Variants in ARHGEF16 observed in about 807,000 individuals in gnomAD.
The protein encoded by ARHGEF16 is Rho guanine nucleotide exchange factor 16, also known as Rho guanine exchange factor (GEF) 16.
ARHGEF16 carries 59 observed loss-of-function variants against 74.1 expected under a neutral mutation model. That is an observed-to-expected ratio of 0.80 (90% CI 0.65 to 0.99). The LOEUF (loss-of-function observed/expected upper bound fraction) is 0.99, where lower values mean the gene tolerates loss of function less well. Among genes scored for constraint, ARHGEF16 ranks in the 50% least tolerant of loss-of-function variants. ARHGEF16 has a pLI of 0.00. For synonymous variants in ARHGEF16, 415 were observed against 412.6 expected (o/e 1.01, Z -0.07); for missense variants, 948 against 986.6 (o/e 0.96, Z 0.52).
In ARHGEF16 at chr1:3,473,403, G is replaced by T; in HGVS notation, c.1186G>T (p.Ala396Ser). Residue 396 changes from alanine (A) to serine (S), a missense_variant, in exon 8 of 15, where the codon GCC (alanine) becomes TCC (serine). Transcript: ENST00000378378. ...CTTGTCCTCTTGCAGAAGCAGCAAC[G>T]CCGCCTTCCGAGAGGCCCTGAGAGA... is the stretch of plus-strand genomic sequence containing the variant. ...RTLQKLISSN[A>S]AFREALREIE... The T allele has an allele frequency of 6.2e-7, 1 of 1,607,768 alleles. No homozygotes were observed. Among genetic ancestry groups the T allele is most frequent in the Middle Eastern group, 1.7e-4 (1 of 6,024 alleles).
intron 1 of ARHGEF16, among the ~76,000 whole-genome samples, chr1:3,462,176 G>C (rs769648310): frequency 1.3e-5 from 2 of 152,162 alleles, no homozygotes. Flanking sequence ...TCTGCTGGGG[G>C]GTGTACGTGG....
At chr1:3,472,299 G>A (rs1379425293) in intron 6 of ARHGEF16, among the ~76,000 whole-genome samples, 1 of 152,246 alleles carries the variant, frequency 6.6e-6, no homozygotes, top group Admixed American at 6.5e-5. Context: ...CGCCCATGGG[G>A]GCAGAATCCT....
At chr1:3,475,943 C>T in intron 9 of ARHGEF16, 27 bp from the exon 10 acceptor site, 1 of 1,543,670 alleles carries the variant, frequency 6.5e-7, no homozygotes, top group Non-Finnish European at 8.7e-7. Context: ...TAGCACCAGC[C>T]TCTCACACGG....
chr1:3,474,595 T>G, intron 8 of ARHGEF16, 113 bp from the exon 9 acceptor site: 1 of 983,482 alleles, frequency 1.0e-6, no homozygotes, highest in Non-Finnish European at 1.6e-6. Flanking sequence ...AGGAGCCCCC[T>G]GGGGGCAGCT....
intron 1 of ARHGEF16, among the ~76,000 whole-genome samples, chr1:3,460,740 C>G (rs993490387): frequency 1.3e-5 from 2 of 152,184 alleles, no homozygotes; most frequent in Admixed American, 6.5e-5. Context: ...GTCATGGACA[C>G]CAGCCCCGGG....
chr1:3,467,481 C>T, intron 4 of ARHGEF16, 144 bp downstream of exon 4: 1 of 1,057,094 alleles, frequency 9.5e-7, no homozygotes, highest in East Asian at 2.6e-5. Context: ...TCCCAGAAGC[C>T]CCTCGGCTGT....
At chr1:3,463,039 G>A (rs1476692435) in intron 1 of ARHGEF16, 27 bp from the exon 2 acceptor site, 2 of 1,420,210 alleles carry the variant, frequency 1.4e-6, no homozygotes, top group Non-Finnish European at 1.9e-6. Flanking sequence ...GCAGCCTCAC[G>A]AGACCTCACT....
intron 10 of ARHGEF16, among the ~76,000 whole-genome samples, chr1:3,477,059 C>T (rs890837656): frequency 5.3e-5 from 8 of 151,808 alleles, no homozygotes; most frequent in Non-Finnish European, 1.0e-4. Flanking sequence ...GTCTTGGAAA[C>T]GGGTGTGGGG....
At chr1:3,467,478 AGCCCCTCG>A in intron 4 of ARHGEF16, 141 bp downstream of exon 4, 1 of 1,074,540 alleles carries the variant, frequency 9.3e-7, no homozygotes. Context: ...CCTTCCCAGA[AGCCCCTCG>A]GCTGTGGGTG....
rs374786453 is a variant in ARHGEF16 at position 3,479,849 on chromosome 1, G to A, written c.1926G>A (p.Ala642=). The A allele has an allele frequency of 4.5e-5, 73 of 1,612,162 alleles. No homozygotes were observed. The highest frequency in any genetic ancestry group is 5.9e-5 in the Non-Finnish European group (70 of 1,179,922). Residue 642 remains alanine, a synonymous_variant, in exon 14 of 15, where the codon GCG becomes GCA. Transcript: ENST00000378378. The part of the protein sequence containing the change: ...PQVEITKAFF[A]KQADEVTLQQ... ...TGGAGATCACCAAGGCCTTCTTCGC[G>A]AAGCAAGCAGACGAGGTCACACTGC...
intron 8 of ARHGEF16, chr1:3,473,819 G>A (rs1557695922): frequency 1.7e-5 from 8 of 461,686 alleles, no homozygotes; most frequent in Non-Finnish European, 1.9e-5. Context: ...ATCACCCAGA[G>A]CCCTGCTGAG....
At chr1:3,476,384 G>T (rs757428959) in intron 10 of ARHGEF16, among the ~76,000 whole-genome samples, 13 of 152,188 alleles carry the variant, frequency 8.5e-5, no homozygotes, top group Non-Finnish European at 1.8e-4. Flanking sequence ...AACAGGAGTG[G>T]CCCTGTCAGT....
rs746092580 is a variant in ARHGEF16, at chr1:3,467,232, C to T, written c.699C>T (p.Asp233=). Residue 233 remains aspartate, a synonymous_variant, in exon 4 of 15, where the codon GAC becomes GAT. Coordinates refer to ENST00000378378, the MANE Select transcript of ARHGEF16 (RefSeq NM_014448.4). ...GLNTSQESDD[D]ILDESSSPEG... ...ACACCAGCCAGGAGTCTGATGACGA[C>T]ATCCTCGATGAGTCCTCCAGCCCCG... 6.4e-7 allele frequency: 1 copy of T among 1,550,600 alleles called. No individual in the cohort carries two copies. The highest frequency in any genetic ancestry group is 8.7e-7 in the Non-Finnish European group (1 of 1,146,890).
chr1:3,460,748 G>A (rs1015153747), intron 1 of ARHGEF16, among the ~76,000 whole-genome samples: 11 of 152,160 alleles, frequency 7.2e-5, no homozygotes, highest in African/African-American at 1.9e-4. Flanking sequence ...CACCAGCCCC[G>A]GGGGAGGCCT....
At position 3,479,706 on chromosome 1, in the gene ARHGEF16, G is replaced by A. The variant is rs916180802; in HGVS notation, c.1889-106G>A. The A allele has an allele frequency of 3.8e-6, 6 of 1,558,606 alleles. No individual in the cohort carries two copies. The African/African-American group carries it at 8.1e-5, about 21-fold the overall frequency. ...CTTGTGCTGGGGCCTGGCAGTCGGG[G>A]GATGGGGTGCCCCGGCCCCGGGGGA... On this transcript the variant is annotated intron_variant, in intron 13 of 14. Coordinates refer to ENST00000378378, the MANE Select transcript of ARHGEF16 (RefSeq NM_014448.4).
chr1:3,479,761 A>C (rs764866414), intron 13 of ARHGEF16, 51 bp from the exon 14 acceptor site: 15 of 1,590,740 alleles, frequency 9.4e-6, no homozygotes, highest in South Asian at 1.1e-5. Context: ...TGGGGAGTGG[A>C]GCCTGGCCCA....
chr1:3,469,054 C>A, intron 5 of ARHGEF16, 118 bp downstream of exon 5: 1 of 1,267,662 alleles, frequency 7.9e-7, no homozygotes, highest in Non-Finnish European at 1.1e-6. Context: ...CCTCCAGTGC[C>A]AGGCCCTGTC....
chr1:3,474,442 T>C (rs113739166), intron 8 of ARHGEF16: 1 of 444,004 alleles, frequency 2.3e-6, no homozygotes, highest in East Asian at 3.8e-5. Flanking sequence ...ATTCCCCAAG[T>C]TGGATGGAGA....
At chr1:3,479,239 G>A (rs138281822) in intron 12 of ARHGEF16, among the ~76,000 whole-genome samples, 498 of 152,320 alleles carry the variant, frequency 3.3e-3, no homozygotes, top group African/African-American at 0.011. Context: ...CACAGCAAAC[G>A]GAGGGGGCAG....
Sources: allele counts gnomAD v4.1 joint callset (sites outside exome capture counted in the v4.1 genomes callset), GRCh38; gene constraint gnomAD v4.1.1; transcripts MANE v1.5; gene names NCBI Gene and HGNC (gene_info 2026-07-23, HGNC 2026-07-21).